The following HOOK3 variants were observed in gnomAD, a reference collection of about 807,000 sequenced individuals.
HOOK3 encodes hook microtubule tethering protein 3, also known as protein Hook homolog 3.
Under a neutral mutation model 116.3 loss-of-function variants are expected in HOOK3, and 24 were observed. The observed-to-expected ratio is 0.21, with a 90% CI of 0.15 to 0.29. The LOEUF (loss-of-function observed/expected upper bound fraction) is 0.29. Among genes scored for constraint, HOOK3 ranks in the 10% least tolerant of loss-of-function variants. The pLI is 1.00. For synonymous variants in HOOK3, 275 were observed against 283.0 expected (o/e 0.97, Z 0.28); for missense variants, 632 against 830.2 (o/e 0.76, Z 2.93).
Position 42,986,669 on chromosome 8 carries a change from G to A in HOOK3, c.1406G>A (p.Arg469His), listed in dbSNP as rs755020355. The A allele has an allele frequency of 1.6e-5, 25 of 1,610,490 alleles. No homozygotes were observed. Among genetic ancestry groups the A allele is most frequent in the Non-Finnish European group, 2.0e-5 (23 of 1,178,658 alleles). ...TGTTCATTCAGGGAGAAACTTATTC[G>A]TCTTCAGCATGAGAATAAGATGTTA... Reference protein sequence around the residue: ...VTPEIREKLIRLQHENKMLKL... With the variant: ...VTPEIREKLIHLQHENKMLKL... Residue 469 changes from arginine (R) to histidine (H), a missense_variant, in exon 15 of 22, where the codon CGT becomes CAT. Physicochemically the swap from Arg to His is conservative, Grantham distance 29 (BLOSUM62 0). Around this residue, in one of 3 missense-constraint regions of HOOK3, gnomAD observed 483 missense variants for 648.1 expected, o/e 0.75. Coordinates refer to ENST00000307602, the MANE Select transcript of HOOK3 (RefSeq NM_032410.4).
intron 2 of HOOK3, among the ~76,000 whole-genome samples, chr8:42,915,730 C>T (rs1807521936): frequency 6.6e-6 from 1 of 152,156 alleles, no homozygotes. Context: ...CCATGCCTGG[C>T]CATATAGTGT....
chr8:42,903,289 C>T (rs1256542780), intron 1 of HOOK3, among the ~76,000 whole-genome samples: 3 of 151,070 alleles, frequency 2.0e-5, no homozygotes, highest in African/African-American at 7.3e-5. Flanking sequence ...CTGCAAAACT[C>T]TCCTGTATTA....
chr8:43,016,320 C>A (rs1452023877), intron 21 of HOOK3, among the ~76,000 whole-genome samples: 2 of 152,006 alleles, frequency 1.3e-5, no homozygotes, highest in Non-Finnish European at 1.5e-5. Flanking sequence ...CAGGGTTTCA[C>A]CGTTTTAGCC....
At position 43,019,427 on chromosome 8, in the gene HOOK3, T is replaced by G. The variant is rs1809783545; in HGVS notation, c.*929T>G. The G allele has an allele frequency of 4.7e-6, 1 of 211,928 alleles. No homozygotes were observed. The highest frequency in any genetic ancestry group is 9.5e-6 in the Non-Finnish European group (1 of 104,730). The allele number at this position is 211,928 out of a possible 1,614,324, so 13.1% of individuals were successfully genotyped here. ...GGGCTGTTTGTTGACTTATGCCCCATTTGTTTTACTTGTTCTTTAATATAA... is the reference window on the plus strand; with the variant it reads ...GGGCTGTTTGTTGACTTATGCCCCAGTTGTTTTACTTGTTCTTTAATATAA... On this transcript the variant is annotated 3_prime_UTR_variant, in exon 22 of 22. Coordinates refer to ENST00000307602, the MANE Select transcript of HOOK3 (RefSeq NM_032410.4).
rs113737597 is a variant in HOOK3, at chr8:42,905,325, TGG to T, written c.58-838_58-837del. Among the ~76,000 whole-genome samples the T allele has an allele frequency of 5.3e-4, 53 of 99,156 alleles. 2 individuals are homozygous for T. The highest frequency in any genetic ancestry group is 2.1e-3 in the African/African-American group (45 of 21,446). The allele number at this position is 99,156 out of a possible 152,430, so 65.1% of individuals were successfully genotyped here. A position where few individuals can be genotyped will look rare whatever the true frequency, so the allele number is the denominator to read the frequency against. ...TTTTTTTTTTTCCTGTTTCTTTTTT[TGG>T]GGGGGGGGGTGCCGTGGTGGAGGGG... On this transcript the variant is annotated intron_variant, in intron 1 of 21. Transcript: ENST00000307602.
intron 6 of HOOK3, among the ~76,000 whole-genome samples, chr8:42,951,549 G>A (rs1336628023): frequency 1.3e-5 from 2 of 152,204 alleles, no homozygotes; most frequent in Admixed American, 6.5e-5. Flanking sequence ...GTCAAGTTCA[G>A]GATGTGAGAA....
chr8:42,905,839 A>T (rs940123951), intron 1 of HOOK3, among the ~76,000 whole-genome samples: 1 of 151,566 alleles, frequency 6.6e-6, no homozygotes, highest in Non-Finnish European at 1.5e-5. Flanking sequence ...TAATCCCAGC[A>T]CTTCAGGAGG....
At chr8:42,928,107 C>A (rs1807803506) in intron 3 of HOOK3, among the ~76,000 whole-genome samples, 1 of 152,134 alleles carries the variant, frequency 6.6e-6, no homozygotes, top group African/African-American at 2.4e-5. Flanking sequence ...TGGTGAAACC[C>A]CATTGTACTA....
At chr8:42,918,972 CCT>C (rs1393562570) in intron 2 of HOOK3, among the ~76,000 whole-genome samples, 7 of 152,118 alleles carry the variant, frequency 4.6e-5, no homozygotes, top group African/African-American at 1.7e-4. Context: ...CAGAGGGGCT[CCT>C]CACTTCCCAG....
At chr8:43,004,291 C>T (rs1332076666) in intron 17 of HOOK3, among the ~76,000 whole-genome samples, 9 of 148,750 alleles carry the variant, frequency 6.1e-5, no homozygotes, top group Middle Eastern at 3.5e-3. Flanking sequence ...CACTTGAACC[C>T]AGAAACCAGA....
At chr8:42,968,319 C>A in intron 11 of HOOK3, 105 bp downstream of exon 11, 1 of 784,548 alleles carries the variant, frequency 1.3e-6, no homozygotes, top group Non-Finnish European at 2.1e-6. Context: ...CTGTTTTTTA[C>A]CTTTTCTTTA....
intron 16 of HOOK3, among the ~76,000 whole-genome samples, chr8:42,999,753 C>T (rs1809344348): frequency 6.6e-6 from 1 of 151,942 alleles, no homozygotes; most frequent in African/African-American, 2.4e-5. Context: ...TATATCCAGC[C>T]ATATGGATAA....
intron 3 of HOOK3, among the ~76,000 whole-genome samples, chr8:42,926,507 A>G (rs754524545): frequency 6.6e-6 from 1 of 152,164 alleles, no homozygotes; most frequent in Non-Finnish European, 1.5e-5. Context: ...GCTGGTCTCA[A>G]ACTCCTGATC....
chr8:42,992,966 T>C (rs899828156), intron 15 of HOOK3, among the ~76,000 whole-genome samples: 2 of 152,120 alleles, frequency 1.3e-5, no homozygotes, highest in African/African-American at 4.8e-5. Flanking sequence ...TAACTTTTAT[T>C]ATGTTGAGGT....
chr8:42,948,746 A>C (rs1808283675), intron 5 of HOOK3, among the ~76,000 whole-genome samples: 1 of 152,226 alleles, frequency 6.6e-6, no homozygotes, highest in Non-Finnish European at 1.5e-5. Flanking sequence ...TCTGTATTCC[A>C]ACACTCATAG....
intron 2 of HOOK3, among the ~76,000 whole-genome samples, chr8:42,920,939 C>A (rs1387843668): frequency 6.6e-6 from 1 of 152,106 alleles, no homozygotes; most frequent in East Asian, 1.9e-4. Context: ...ATAGTAGCAG[C>A]TGATTTTGTT....
intron 13 of HOOK3, among the ~76,000 whole-genome samples, chr8:42,977,322 A>G (rs1808848241): frequency 6.6e-6 from 1 of 152,166 alleles, no homozygotes; most frequent in South Asian, 2.1e-4. Context: ...AAAAGTGAAG[A>G]CACCTGGGGA....
chr8:43,013,322 T>G lies in HOOK3; in HGVS notation c.1945-7T>G, dbSNP rs200659242. ...ACATATTTACATGTGCTTTTTTTTT[T>G]TTTTAGAAAGAATATGAGAAAACAA... On this transcript the variant is annotated splice_polypyrimidine_tract_variant and splice_region_variant and intron_variant, in intron 20 of 21. Transcript: ENST00000307602. 1 of 1,558,146 alleles carries G rather than the reference T, an allele frequency of 6.4e-7. No individual in the cohort carries two copies.
intron 1 of HOOK3, 146 bp downstream of exon 1, chr8:42,897,334 C>T (rs1205801745): frequency 2.1e-6 from 1 of 465,602 alleles, no homozygotes; most frequent in Non-Finnish European, 3.4e-6. Context: ...GAGGCTCGGC[C>T]CAGGGTCCGA....
Sources: gnomAD v4.1 joint callset for allele counts (sites outside exome capture counted in the v4.1 genomes callset) on GRCh38, gnomAD v4.1.1 for gene constraint, gnomAD v4.1.1 regional missense constraint, MANE v1.5 for transcripts, NCBI Gene and HGNC (gene_info 2026-07-23, HGNC 2026-07-21) for gene names.